The following KLHL17 variants were observed in gnomAD, a reference collection of about 807,000 sequenced individuals.
KLHL17 encodes kelch-like protein 17.
A neutral mutation model predicts 64.6 loss-of-function variants in KLHL17; 71 were observed. The ratio of observed to expected loss-of-function variants is 1.10; its 90% CI spans 0.91 to 1.34. The LOEUF (loss-of-function observed/expected upper bound fraction) is 1.34. Among genes scored for constraint, KLHL17 ranks in the 40% most tolerant of loss-of-function variants. KLHL17 has a pLI of 0.00. For synonymous variants in KLHL17, 612 were observed against 405.4 expected, an observed-to-expected ratio of 1.51 and a Z score of -6.12; for missense variants, 1,140 against 935.0, an observed-to-expected ratio of 1.22 and a Z score of -2.86.
In KLHL17 at chr1:961,811, C is replaced by T. The variant is rs1642665486; in HGVS notation, c.490-15C>T. On this transcript the variant is annotated splice_polypyrimidine_tract_variant and intron_variant, in intron 3 of 11. Transcript: ENST00000338591. ...GACCCTGTGCCTCCCTCACCTGCCTCTCGGTGCCCCGTAGACTCTGCTCCC... is the reference window on the plus strand; with the variant it reads ...GACCCTGTGCCTCCCTCACCTGCCTTTCGGTGCCCCGTAGACTCTGCTCCC... 3.7e-6 allele frequency: 6 copies of T among 1,610,312 alleles called. No homozygotes were observed. Among genetic ancestry groups the T allele is most frequent in the Non-Finnish European group, 5.1e-6 (6 of 1,179,676 alleles).
At chr1:964,883 G>T (rs1029515626) in intron 11 of KLHL17, 80 bp from the exon 12 acceptor site, 1 of 1,120,304 alleles carries the variant, frequency 8.9e-7, no homozygotes, top group Non-Finnish European at 1.3e-6. Context: ...AGCATGTCCC[G>T]CCACCACCCC....
rs768971932 is a variant in KLHL17, at chr1:963,394, G to T, written c.1245G>T (p.Thr415=). 3 of 1,612,564 alleles carry T rather than the reference G, an allele frequency of 1.9e-6. No individual in the cohort carries two copies. The highest frequency in any genetic ancestry group is 1.7e-5 in the Admixed American group (1 of 59,990). Residue 415 remains threonine, a synonymous_variant, in exon 8 of 12, where the codon ACG becomes ACT. Coordinates refer to ENST00000338591, the MANE Select transcript of KLHL17 (RefSeq NM_198317.3). ...TVESYDPVTN[T]WQPEVSMGTR... ...AGTCCTACGACCCCGTGACTAACAC[G>T]TGGCAGCCGGAGGTGTCCATGGGCA...
At position 963,026 on chromosome 1, in the gene KLHL17, A is replaced by G. The variant is rs928712012; in HGVS notation, c.1043-83A>G. On this transcript the variant is annotated intron_variant, in intron 6 of 11. Coordinates refer to ENST00000338591, the MANE Select transcript of KLHL17 (RefSeq NM_198317.3). ...TCCTGACCTGCCCCTCCGCCCCTCCATTCAGGGGCCTCTCCAGGAGCCTGG... is the reference window on the plus strand; with the variant it reads ...TCCTGACCTGCCCCTCCGCCCCTCCGTTCAGGGGCCTCTCCAGGAGCCTGG... 5.1e-6 allele frequency: 8 copies of G among 1,559,030 alleles called. No individual in the cohort carries two copies. The African/African-American group carries it at 8.2e-5, about 16-fold the overall frequency.
At chr1:961,792 G>C (rs368211588) in intron 3 of KLHL17, 34 bp from the exon 4 acceptor site, 213 of 1,611,214 alleles carry the variant, frequency 1.3e-4, no homozygotes, top group Non-Finnish European at 1.7e-4. Context: ...CCCCGACCCT[G>C]TGCCTCCCTC....
chr1:964,997 T>C lies in KLHL17; in HGVS notation c.1735T>C (p.Leu579=), dbSNP rs1181678594. Residue 579 remains leucine (L), a synonymous_variant, in exon 12 of 12, where the codon TTG becomes CTG. Transcript: ENST00000338591. The part of the protein sequence containing the change: ...THDLVAMDGW[L]YAVGGNDGSS... The stretch of plus-strand genomic sequence containing the variant: ...TGACCTGGTGGCCATGGACGGATGG[T>C]TGTACGCCGTGGGGGGTAACGACGG... 2 of 1,612,006 alleles carry C rather than the reference T, an allele frequency of 1.2e-6. No homozygotes were observed. Among genetic ancestry groups the C allele is most frequent in the East Asian group, 4.5e-5 (2 of 44,852 alleles).
Position 962,448 on chromosome 1 carries a change from G to A in KLHL17, c.805G>A (p.Ala269Thr), listed in dbSNP as rs777583850. 7 of 1,612,674 alleles carry A rather than the reference G, an allele frequency of 4.3e-6. No individual in the cohort carries two copies. The highest frequency in any genetic ancestry group is 3.3e-4 in the Middle Eastern group (2 of 6,060). ...GAGCTGGGTGAAACACGACGTGGAC[G>A]CCCGCAGGCAGCATGTCCCACGGGT... ...VLSWVKHDVD[A>T]RRQHVPRLMK... Residue 269 changes from alanine (A) to threonine (T), a missense_variant, in exon 5 of 12, where the codon GCC becomes ACC. Transcript: ENST00000338591.
chr1:964,516 C>A lies in KLHL17; in HGVS notation c.1686C>A (p.Pro562=). The change falls in exon 11 of 12, where the codon CCC becomes CCA. Residue 562 remains proline (P), a synonymous_variant. Transcript: ENST00000338591. ...CTGGAGCCTGGGAAAGCGTGGCGCC[C>A]ATGAATATCCGCAGGTCCGCAGTGG... ...PKAGAWESVA[P]MNIRRSTHDL... is the part of the protein sequence containing the mutation. 2.0e-6 allele frequency: 3 copies of A among 1,502,304 alleles called. No homozygotes were observed. Among genetic ancestry groups the A allele is most frequent in the Non-Finnish European group, 1.8e-6 (2 of 1,120,820 alleles). 93.1% of individuals were successfully genotyped at this position (1,502,304 alleles called of 1,614,324 possible).
rs755087830 is a variant in KLHL17 at position 962,059 on chromosome 1, C to G, written c.711+12C>G. 3.1e-6 allele frequency: 5 copies of G among 1,610,082 alleles called. No homozygotes were observed. The Admixed American group carries it at 8.3e-5, about 27-fold the overall frequency. ...TGCCCCTGAAACAGGTAACAGCTGG[C>G]GGGCCCAGCCCTCGCCCCCCACCCC... On this transcript the variant is annotated intron_variant, in intron 4 of 11. Coordinates refer to ENST00000338591, the MANE Select transcript of KLHL17 (RefSeq NM_198317.3).
At position 964,377 on chromosome 1, in the gene KLHL17, T is replaced by C. The variant is rs1642804170; in HGVS notation, c.1547T>C (p.Met516Thr). 1.3e-6 allele frequency: 2 copies of C among 1,557,688 alleles called. No individual in the cohort carries two copies. The highest frequency in any genetic ancestry group is 2.4e-5 in the East Asian group (1 of 41,160). Residue 516 changes from methionine to threonine, a missense_variant, in exon 11 of 12, where the codon ATG (methionine) becomes ACG (threonine). Transcript: ENST00000338591. ...AACGTGTGGTCGCCCGTGGCGTCCA[T>C]GCTGAGCCGACGCAGCTCAGCGGGC... ...QVNVWSPVAS[M>T]LSRRSSAGVA...
At position 962,994 on chromosome 1, in the gene KLHL17, G is replaced by A. The variant is rs772776562; in HGVS notation, c.1042+77G>A. 293 of 1,520,432 alleles carry A rather than the reference G, an allele frequency of 1.9e-4. 2 individuals carry two copies. Among genetic ancestry groups the A allele is most frequent in the South Asian group, 3.7e-5 (3 of 81,682 alleles). 94.2% of individuals were successfully genotyped at this position (1,520,432 alleles called of 1,614,324 possible). ...AGCACAAGCCCACCCCACCTGTGCCGGTCAGGTCCTGACCTGCCCCTCCGC... is the reference window on the plus strand; with the variant it reads ...AGCACAAGCCCACCCCACCTGTGCCAGTCAGGTCCTGACCTGCCCCTCCGC... On this transcript the variant is annotated intron_variant, in intron 6 of 11. Transcript: ENST00000338591.
rs761049058 is a variant in KLHL17, at chr1:963,235, G to T, written c.1169G>T (p.Arg390Leu). 6.2e-7 allele frequency: 1 copy of T among 1,604,474 alleles called. No homozygotes were observed. Among genetic ancestry groups the T allele is most frequent in the Non-Finnish European group, 8.5e-7 (1 of 1,173,548 alleles). Residue 390 changes from arginine to leucine, a missense_variant, in exon 7 of 12, where the codon CGG becomes CTG. Arg to Leu is a moderately radical substitution (Grantham distance 102). Coordinates refer to ENST00000338591, the MANE Select transcript of KLHL17 (RefSeq NM_198317.3). ...ARVGVAAVGN[R>L]LYAVGGYDGT... ...GTGGGAGTGGCTGCGGTGGGGAACC[G>T]GCTCTATGCTGTGGGCGGGTAAGCC... is the stretch of plus-strand genomic sequence containing the variant.
chr1:963,302 G>A, intron 7 of KLHL17, 35 bp from the exon 8 acceptor site: 3 of 1,600,512 alleles, frequency 1.9e-6, no homozygotes, highest in Admixed American at 1.7e-5. Context: ...TGCCCGCCAG[G>A]CCAGTCTTGA....
chr1:960,636 C>T lies in KLHL17; in HGVS notation c.-58C>T, dbSNP rs2100409791. ...CACCGCCGAGCAGCCCTCCGGCAGT[C>T]TCCGCGTCCGTTAAGCCCGCGGGTC... On this transcript the variant is annotated 5_prime_UTR_variant, in exon 1 of 12. Transcript: ENST00000338591. 6 of 1,289,952 alleles carry T rather than the reference C, an allele frequency of 4.7e-6. No homozygotes were observed. The highest frequency in any genetic ancestry group is 5.9e-6 in the Non-Finnish European group (6 of 1,010,246). The allele number at this position is 1,289,952 out of a possible 1,614,324, so 79.9% of individuals were successfully genotyped here.
Position 965,146 on chromosome 1 carries a change from G to A in KLHL17, c.1884G>A (p.Pro628=), listed in dbSNP as rs146302352. 1,622 of 1,612,370 alleles carry A rather than the reference G, an allele frequency of 1.0e-3. 2 individuals carry two copies. The highest frequency in any genetic ancestry group is 1.3e-3 in the Non-Finnish European group (1,541 of 1,179,854). ...GVAVLELLNF[P]PPSSPTLSVS... ...CGGTGCTGGAGCTGCTCAATTTCCCGCCGCCATCCTCCCCGACGCTGTCCG... is the reference window on the plus strand; with the variant it reads ...CGGTGCTGGAGCTGCTCAATTTCCCACCGCCATCCTCCCCGACGCTGTCCG... Residue 628 remains proline, a synonymous_variant, in exon 12 of 12, where the codon CCG becomes CCA. Transcript: ENST00000338591.
At chr1:962,264 A>C (rs762995190) in intron 4 of KLHL17, 91 bp from the exon 5 acceptor site, 3 of 1,596,876 alleles carry the variant, frequency 1.9e-6, no homozygotes, top group Non-Finnish European at 2.6e-6. Flanking sequence ...CTCAGCCCCC[A>C]CCTGCTAACC....
In KLHL17 at chr1:961,798, C is replaced by T. The variant is rs377056752; in HGVS notation, c.490-28C>T. On this transcript the variant is annotated intron_variant, in intron 3 of 11. Transcript: ENST00000338591. ...CCCGGTGTCCCCCGACCCTGTGCCT[C>T]CCTCACCTGCCTCTCGGTGCCCCGT... The T allele has an allele frequency of 2.2e-5, 35 of 1,610,970 alleles. No individual in the cohort carries two copies. In the Middle Eastern group the frequency reaches 4.9e-4, roughly 23 times the overall value.
At chr1:962,992 C>G in intron 6 of KLHL17, 75 bp downstream of exon 6, 2 of 1,516,380 alleles carry the variant, frequency 1.3e-6, no homozygotes, top group Non-Finnish European at 1.8e-6. Flanking sequence ...CCCACCTGTG[C>G]CGGTCAGGTC....
At chr1:962,267 T>A (rs756792275) in intron 4 of KLHL17, 88 bp from the exon 5 acceptor site, 1 of 1,601,404 alleles carries the variant, frequency 6.2e-7, no homozygotes, top group Non-Finnish European at 8.5e-7. Flanking sequence ...AGCCCCCACC[T>A]GCTAACCCTC....
At position 961,397 on chromosome 1, in the gene KLHL17, C is replaced by T. The variant is rs760597597; in HGVS notation, c.212C>T (p.Ser71Phe). ...GAGGGCCACAGCGTGGCCCACAACT[C>T]CAAGCGGCACTACCACGATGCCTTC... Reference protein sequence around the residue: ...SREGHSVAHNSKRHYHDAFVA... With the variant: ...SREGHSVAHNFKRHYHDAFVA... The change falls in exon 2 of 12, where the codon TCC (serine) becomes TTC (phenylalanine). Residue 71 changes from serine to phenylalanine, a missense_variant. Physicochemically the swap from Ser to Phe is radical, Grantham distance 155. Coordinates refer to ENST00000338591, the MANE Select transcript of KLHL17 (RefSeq NM_198317.3). The T allele has an allele frequency of 1.2e-6, 2 of 1,609,678 alleles. No individual in the cohort carries two copies. The highest frequency in any genetic ancestry group is 1.3e-5 in the African/African-American group (1 of 75,026).
Sources: allele counts gnomAD v4.1 joint callset, GRCh38; gene constraint gnomAD v4.1.1; transcripts MANE v1.5; gene names NCBI Gene and HGNC (gene_info 2026-07-23, HGNC 2026-07-21).